The following NLRP7 variants were observed in gnomAD, a reference collection of about 807,000 sequenced individuals.
NLRP7 encodes the protein NACHT, LRR and PYD domains-containing protein 7.
Under a neutral mutation model 85.5 loss-of-function variants are expected in NLRP7, and 72 were observed. The observed-to-expected ratio is 0.84, with a 90% CI of 0.70 to 1.02. NLRP7 has a LOEUF of 1.02. Among genes scored for constraint, NLRP7 ranks in the 50% least tolerant of loss-of-function variants. The probability of loss-of-function intolerance (pLI) is 0.00; values close to 1 mark genes in which losing one functional copy is unlikely to be tolerated. For synonymous variants in NLRP7, 550 were observed against 505.2 expected (o/e 1.09, Z -1.19); for missense variants, 1,243 against 1,219.5 (o/e 1.02, Z -0.29).
chr19:54,944,311 G>A (rs1399919669), intron 1 of NLRP7, among the ~76,000 whole-genome samples: 1 of 151,708 alleles, frequency 6.6e-6, no homozygotes, highest in Non-Finnish European at 1.5e-5. Context: ...AGGGCTGGAG[G>A]TGACACATGC....
Position 54,923,936 on chromosome 19 carries a change from A to G in NLRP7, c.2811-64T>C, listed in dbSNP as rs571895776. ...ATTCTCAACTACCCAGGATGCCTGAATATCTGTTTTCAAACACTCAAAGCA... is the reference window on the plus strand; with the variant it reads ...ATTCTCAACTACCCAGGATGCCTGAGTATCTGTTTTCAAACACTCAAAGCA... On this transcript the variant is annotated intron_variant, in intron 9 of 9. Transcript: ENST00000340844. 136 of 1,557,082 alleles carry G rather than the reference A, an allele frequency of 8.7e-5. No homozygotes were observed. In the South Asian group the frequency reaches 1.4e-3, roughly 16 times the overall value.
In NLRP7 at chr19:54,939,626, A is replaced by C. The variant is rs104895548; in HGVS notation, c.1193T>G (p.Leu398Arg). ...TGCGCCCTGCGGGAACCGGCTGCAG[A>C]GGAAACGCAGGAACAGCCCCGTGCG... Residue 398 changes from leucine (L) to arginine (R), a missense_variant, in exon 4 of 10, where the codon CTC becomes CGC. Physicochemically the swap from Leu to Arg is moderately radical, Grantham distance 102 (BLOSUM62 -2). Around this residue, in one of 3 missense-constraint regions of NLRP7, gnomAD observed 591 missense variants for 563.3 expected, o/e 1.05. Transcript: ENST00000340844. 15 of 1,610,864 alleles carry C rather than the reference A, an allele frequency of 9.3e-6. No individual in the cohort carries two copies. The South Asian group carries it at 1.7e-4, about 18-fold the overall frequency.
At chr19:54,956,732 T>C (rs1195372514) in intron 1 of NLRP7, among the ~76,000 whole-genome samples, 3 of 151,370 alleles carry the variant, frequency 2.0e-5, no homozygotes, top group Non-Finnish European at 2.9e-5. Context: ...CTCACGCCTA[T>C]AATATCAGCA....
intron 1 of NLRP7, among the ~76,000 whole-genome samples, chr19:54,963,691 G>C (rs2070153539): frequency 6.6e-6 from 1 of 151,558 alleles, no homozygotes; most frequent in Non-Finnish European, 1.5e-5. Flanking sequence ...GGGTACAGTG[G>C]CACGCGCCTG....
At chr19:54,949,939 C>T (rs2069615353), upstream of NLRP7, among the ~76,000 whole-genome samples, 1 of 151,922 alleles carries the variant, frequency 6.6e-6, no homozygotes, top group Admixed American at 6.6e-5. Context: ...CCTGGCTCTA[C>T]AAAAAATAAA....
chr19:54,941,045 C>T (rs951660671), intron 2 of NLRP7, 40 bp from the exon 3 acceptor site: 10 of 1,387,122 alleles, frequency 7.2e-6, no homozygotes, highest in Non-Finnish European at 9.2e-6. Flanking sequence ...CAGTAATTTA[C>T]ACTTCGTAAA....
intron 1 of NLRP7, among the ~76,000 whole-genome samples, chr19:54,944,209 T>C (rs775890): frequency 0.53 from 80,293 of 151,438 alleles, 22,866 homozygotes; most frequent in African/African-American, 0.74. Context: ...AAGAGGAAGG[T>C]ATCTGTCTCC....
intron 1 of NLRP7, among the ~76,000 whole-genome samples, chr19:54,960,445 C>T (rs540463497): frequency 5.3e-5 from 8 of 151,666 alleles, no homozygotes; most frequent in Admixed American, 1.3e-4. Context: ...CTTAAGCCAC[C>T]GCGCTCAACC....
At chr19:54,963,930 G>A (rs1021770447) in intron 1 of NLRP7, among the ~76,000 whole-genome samples, 20 of 150,004 alleles carry the variant, frequency 1.3e-4, no homozygotes, top group African/African-American at 4.9e-4. Flanking sequence ...GCCCAGGGTG[G>A]AGTGCAGTGG....
intron 6 of NLRP7, among the ~76,000 whole-genome samples, chr19:54,935,909 T>C (rs2068900445): frequency 6.7e-6 from 1 of 149,588 alleles, no homozygotes; most frequent in Non-Finnish European, 1.5e-5. Flanking sequence ...CCCAAACCCG[T>C]CTGTGGAAAA....
At chr19:54,931,659 G>T (rs899179013) in intron 8 of NLRP7, among the ~76,000 whole-genome samples, 1 of 72,872 alleles carries the variant, frequency 1.4e-5, no homozygotes, top group Admixed American at 1.5e-4. Flanking sequence ...TTGCACTCCA[G>T]CCTGGGCAAG....
upstream of NLRP7, among the ~76,000 whole-genome samples, chr19:54,951,827 T>C (rs2069679126): frequency 6.6e-6 from 1 of 151,784 alleles, no homozygotes; most frequent in African/African-American, 2.4e-5. Context: ...CTCTGCTCAC[T>C]GCAAGCTCCG....
At chr19:54,943,660 C>T (rs1309674922) in intron 1 of NLRP7, among the ~76,000 whole-genome samples, 1 of 152,068 alleles carries the variant, frequency 6.6e-6, no homozygotes, top group Non-Finnish European at 1.5e-5. Flanking sequence ...AAGTGACTTG[C>T]CAAGCCCGGG....
In NLRP7 at chr19:54,934,703, T is replaced by A. The variant is rs201440394; in HGVS notation, c.2301-44A>T. 138 of 1,522,000 alleles carry A rather than the reference T, an allele frequency of 9.1e-5. No homozygotes were observed. The African/African-American group carries it at 1.7e-3, about 19-fold the overall frequency. 94.3% of individuals were successfully genotyped at this position (1,522,000 alleles called of 1,614,324 possible). On this transcript the variant is annotated intron_variant, in intron 6 of 9. Transcript: ENST00000340844. The surrounding 1 kb of genome is among the most constrained non-coding windows in gnomAD (Gnocchi z 6.7). ...AAGTCATTCTTCTGGGAGGACAGAG[T>A]ATACCCTATCAGCTTTTTTTTTTTG...
rs1023121298 is a variant in NLRP7, at chr19:54,934,813, T to C, written c.2301-154A>G. Among the ~76,000 whole-genome samples the C allele has an allele frequency of 6.6e-6, 1 of 151,900 alleles. No homozygotes were observed. Among genetic ancestry groups the C allele is most frequent in the Admixed American group, 6.6e-5 (1 of 15,252 alleles). The stretch of plus-strand genomic sequence containing the variant: ...CAGCCTCCGCCTCCCGGGTTCAAGC[T>C]ATTCTCCTGCCTCAGCCTCCGAAGT... On this transcript the variant is annotated intron_variant, in intron 6 of 9. Transcript: ENST00000340844. The surrounding 1 kb of genome is among the most constrained non-coding windows in gnomAD (Gnocchi z 6.7).
intron 4 of NLRP7, among the ~76,000 whole-genome samples, chr19:54,938,494 T>C (rs753833825): frequency 2.0e-5 from 3 of 152,050 alleles, no homozygotes; most frequent in Non-Finnish European, 2.9e-5. Flanking sequence ...TAGGCCAAAG[T>C]GGGAAGATCA....
At chr19:54,938,731 TA>T (rs1488185423) in intron 4 of NLRP7, among the ~76,000 whole-genome samples, 156 bp downstream of exon 4, 1 of 152,074 alleles carries the variant, frequency 6.6e-6, no homozygotes, top group Admixed American at 6.6e-5. Flanking sequence ...GTCTCAAAAA[TA>T]AAAAGCCCCA....
exon 2 of NLRP7, chr19:54,941,611 A>G: frequency 6.2e-7 from 1 of 1,614,014 alleles, no homozygotes; most frequent in Non-Finnish European, 8.5e-7. Context: ...CACGTCTTCG[A>G]GGGGAAAAGC....
chr19:54,934,738 T>G lies in NLRP7; in HGVS notation c.2301-79A>C. The G allele has an allele frequency of 3.4e-6, 4 of 1,182,442 alleles. No homozygotes were observed. The highest frequency in any genetic ancestry group is 2.6e-5 in the East Asian group (1 of 39,096). 73.2% of individuals were successfully genotyped at this position (1,182,442 alleles called of 1,614,324 possible). A position where few individuals can be genotyped will look rare whatever the true frequency, so the allele number is the denominator to read the frequency against. On this transcript the variant is annotated intron_variant, in intron 6 of 9. Transcript: ENST00000340844. The surrounding 1 kb of genome is among the most constrained non-coding windows in gnomAD (Gnocchi z 6.7). ...CAGCTTTTTTTTTTTGAGACAGAGT[T>G]TCACTCTGTTGCCCAGTCTGGAATG...
Sources: allele counts gnomAD v4.1 joint callset (sites outside exome capture counted in the v4.1 genomes callset), GRCh38; gene constraint gnomAD v4.1.1; regional missense constraint gnomAD v4.1.1; non-coding constraint Gnocchi (gnomAD v3.1); transcripts MANE v1.5; gene names NCBI Gene and HGNC (gene_info 2026-07-23, HGNC 2026-07-21).